Variants in PRKN observed in about 807,000 individuals in gnomAD.
PRKN encodes E3 ubiquitin-protein ligase parkin.
Under a neutral mutation model 59.5 loss-of-function variants are expected in PRKN, and 56 were observed. That is an observed-to-expected ratio of 0.94 (90% CI 0.76 to 1.18). The LOEUF (loss-of-function observed/expected upper bound fraction) is 1.18, where lower values mean the gene tolerates loss of function less well. Ranked by LOEUF, PRKN falls within the 50% of genes most tolerant of loss-of-function variation. The pLI is 0.00. For synonymous variants in PRKN, 250 were observed against 222.1 expected (o/e 1.13, Z -1.12); for missense variants, 657 against 596.4 (o/e 1.10, Z -1.06).
intron 10 of PRKN, among the ~76,000 whole-genome samples, chr6:161,366,084 C>A (rs1562397495): frequency 6.6e-6 from 1 of 152,156 alleles, no homozygotes; most frequent in South Asian, 2.1e-4. Flanking sequence ...GAAGGTGGGG[C>A]CTTTGGGAGG....
At chr6:161,606,481 G>A (rs1782287604) in intron 7 of PRKN, among the ~76,000 whole-genome samples, 1 of 152,196 alleles carries the variant, frequency 6.6e-6, no homozygotes, top group Non-Finnish European at 1.5e-5. Context: ...GAACAAATGT[G>A]TTTAAATCTC....
At chr6:161,635,358 A>G (rs969385908) in intron 7 of PRKN, among the ~76,000 whole-genome samples, 1 of 152,234 alleles carries the variant, frequency 6.6e-6, no homozygotes, top group African/African-American at 2.4e-5. Context: ...GTTCAAATGA[A>G]TACTGTTAGA....
chr6:162,263,067 C>T (rs1404803900), intron 2 of PRKN, among the ~76,000 whole-genome samples: 1 of 152,092 alleles, frequency 6.6e-6, no homozygotes, highest in Non-Finnish European at 1.5e-5. Context: ...TCTATAAGCA[C>T]AGTGAAAACA....
intron 1 of PRKN, among the ~76,000 whole-genome samples, chr6:162,719,381 A>C (rs1171521128): frequency 6.6e-6 from 1 of 152,076 alleles, no homozygotes; most frequent in Non-Finnish European, 1.5e-5. Context: ...AGAGCTATAA[A>C]GGACTTTCAG....
chr6:161,757,833 A>ATCTCTCTCTCTCTCTC (rs748787015), intron 7 of PRKN, among the ~76,000 whole-genome samples: 7 of 37,644 alleles, frequency 1.9e-4, no homozygotes, highest in Admixed American at 1.0e-3. Flanking sequence ...GCAAAACTCC[A>ATCTCTCTCTCTCTCTC]TCTCTCTCTC....
At chr6:162,125,067 A>G (rs1781070590) in intron 4 of PRKN, among the ~76,000 whole-genome samples, 1 of 152,202 alleles carries the variant, frequency 6.6e-6, no homozygotes, top group African/African-American at 2.4e-5. Flanking sequence ...ATTCTCTCAA[A>G]TGCCACCTTC....
intron 5 of PRKN, among the ~76,000 whole-genome samples, chr6:161,990,545 A>G (rs1410393147): frequency 6.6e-6 from 1 of 152,236 alleles, no homozygotes; most frequent in Non-Finnish European, 1.5e-5. Context: ...AACTAAACAA[A>G]GAGAAAGATA....
At chr6:162,048,739 T>C (rs1315193507) in intron 5 of PRKN, among the ~76,000 whole-genome samples, 2 of 109,754 alleles carry the variant, frequency 1.8e-5, no homozygotes, top group Non-Finnish European at 3.9e-5. Context: ...AAAAAAAAAA[T>C]CTCATAAGAG....
At chr6:162,047,643 A>G (rs1157953451) in intron 5 of PRKN, among the ~76,000 whole-genome samples, 2 of 152,236 alleles carry the variant, frequency 1.3e-5, no homozygotes, top group African/African-American at 4.8e-5. Flanking sequence ...AAACAACAAT[A>G]AAAACAGACA....
chr6:162,157,422 C>T (rs1267238775), intron 4 of PRKN, among the ~76,000 whole-genome samples: 1 of 151,614 alleles, frequency 6.6e-6, no homozygotes, highest in Non-Finnish European at 1.5e-5. Flanking sequence ...TCTGTTCATG[C>T]CTCATTTGTA....
Position 161,786,004 on chromosome 6 carries a change from TAGA to T in PRKN, c.735-99_735-97del, listed in dbSNP as rs533492948. On this transcript the variant is annotated intron_variant, in intron 6 of 11. Transcript: ENST00000366898. The stretch of plus-strand genomic sequence containing the variant: ...ATTTCTGTAATCCTGGAGGGTTGTG[TAGA>T]CTGTGCTCTGTGCAAAGACCGGAGC... The T allele has an allele frequency of 1.2e-3, 1,494 of 1,228,456 alleles. 14 individuals carry two copies. In the African/African-American group the frequency reaches 0.017, roughly 14 times the overall value. 76.1% of individuals were successfully genotyped at this position (1,228,456 alleles called of 1,614,324 possible). A position where few individuals can be genotyped will look rare whatever the true frequency, so the allele number is the denominator to read the frequency against.
chr6:161,612,880 C>G (rs1782539335), intron 7 of PRKN, among the ~76,000 whole-genome samples: 1 of 152,106 alleles, frequency 6.6e-6, no homozygotes, highest in Non-Finnish European at 1.5e-5. Flanking sequence ...AAGAAATATT[C>G]CTTTCAAAAT....
intron 4 of PRKN, among the ~76,000 whole-genome samples, chr6:162,059,398 A>G (rs1778003206): frequency 6.6e-6 from 1 of 152,238 alleles, no homozygotes; most frequent in Admixed American, 6.5e-5. Flanking sequence ...AGCAGAAACA[A>G]CTGTCCAAGT....
intron 4 of PRKN, among the ~76,000 whole-genome samples, chr6:162,181,765 G>T (rs12208027): frequency 1.3e-5 from 2 of 151,960 alleles, no homozygotes; most frequent in Non-Finnish European, 2.9e-5. Context: ...TTCCATCATT[G>T]CTTGTCAGCT....
At chr6:162,248,281 T>C (rs978720381) in intron 3 of PRKN, among the ~76,000 whole-genome samples, 1 of 152,210 alleles carries the variant, frequency 6.6e-6, no homozygotes, top group African/African-American at 2.4e-5. Context: ...GTCCATTATA[T>C]ATATGTTCTT....
Position 161,440,543 on chromosome 6 carries a change from C to T in PRKN, c.1084-53666G>A, listed in dbSNP as rs911500648. On this transcript the variant is annotated intron_variant, in intron 9 of 11. Coordinates refer to ENST00000366898, the MANE Select transcript of PRKN (RefSeq NM_004562.3). This position sits in a 1 kb window ranked among gnomAD's most constrained non-coding sequence, Gnocchi z 4.1. ...AATTGTTCTGCAAAGACATGGTCGG[C>T]AGACACAGAGGGTTCCCTCACCAGG... Among the ~76,000 whole-genome samples the T allele has an allele frequency of 2.0e-5, 3 of 152,316 alleles. No homozygotes were observed. The highest frequency in any genetic ancestry group is 4.4e-5 in the Non-Finnish European group (3 of 68,036).
In PRKN at chr6:161,515,385, G is replaced by A. The variant is rs192761791; in HGVS notation, c.1083+33469C>T. 4.6e-5 allele frequency among the ~76,000 whole-genome samples: 7 copies of A among 152,310 alleles called. No individual in the cohort carries two copies. In the East Asian group the frequency reaches 1.2e-3, roughly 25 times the overall value. ...TTTTTATCCATGTACATATATTTTT[G>A]TAATATTGTACTCATAGTAAATGTA... On this transcript the variant is annotated intron_variant, in intron 9 of 11. Transcript: ENST00000366898.
chr6:162,030,521 C>T (rs1783597102), intron 5 of PRKN, among the ~76,000 whole-genome samples: 1 of 152,178 alleles, frequency 6.6e-6, no homozygotes, highest in African/African-American at 2.4e-5. Flanking sequence ...TCTTTTTACC[C>T]TTGTACAGTT....
In PRKN at chr6:161,417,342, C is replaced by T. The variant is rs1486919015; in HGVS notation, c.1084-30465G>A. ...GCGCCTGCCTGTAGTCGCAGCTACT[C>T]GGGAGGCTAAGGCAGCAGAATCACT... is the stretch of plus-strand genomic sequence containing the variant. On this transcript the variant is annotated intron_variant, in intron 9 of 11. Transcript: ENST00000366898. This position sits in a 1 kb window ranked among gnomAD's most constrained non-coding sequence, Gnocchi z 5.4. Among the ~76,000 whole-genome samples the T allele has an allele frequency of 2.7e-5, 4 of 150,894 alleles. No individual in the cohort carries two copies. Among genetic ancestry groups the T allele is most frequent in the East Asian group, 3.9e-4 (2 of 5,098 alleles).
Sources: gnomAD v4.1 joint callset for allele counts (sites outside exome capture counted in the v4.1 genomes callset) on GRCh38, gnomAD v4.1.1 for gene constraint, Gnocchi (gnomAD v3.1) non-coding constraint, MANE v1.5 for transcripts, NCBI Gene and HGNC (gene_info 2026-07-23, HGNC 2026-07-21) for gene names.